Variants in AGO4 observed in about 807,000 individuals in gnomAD.
AGO4 encodes argonaute RISC component 4.
AGO4 carries 33 observed loss-of-function variants against 104.7 expected under a neutral mutation model. That is an observed-to-expected ratio of 0.32 (90% CI 0.24 to 0.42). The LOEUF (loss-of-function observed/expected upper bound fraction) is 0.42. Ranked by LOEUF, AGO4 falls within the 10% of genes least tolerant of loss-of-function variation. AGO4 has a pLI of 1.00. For synonymous variants in AGO4, 331 were observed against 364.7 expected (o/e 0.91, Z 1.05); for missense variants, 711 against 1,083.4 (o/e 0.66, Z 4.83).
In AGO4 at chr1:35,808,464, A is replaced by AC; in HGVS notation, c.19+32dup. On this transcript the variant is annotated intron_variant, in intron 1 of 17. Transcript: ENST00000373210. This position sits in a 1 kb window ranked among gnomAD's most constrained non-coding sequence, Gnocchi z 5.2. ...AGGAGCGAGCTCGGGTCGGGGCGGGACCCGGGACCCGGGACCCGGGGCGGG... is the reference window on the plus strand; with the variant it reads ...AGGAGCGAGCTCGGGTCGGGGCGGGACCCCGGGACCCGGGACCCGGGGCGGG... 8.5e-7 allele frequency: 1 copy of AC among 1,170,232 alleles called. No homozygotes were observed. The highest frequency in any genetic ancestry group is 1.1e-6 in the Non-Finnish European group (1 of 948,812). The allele number at this position is 1,170,232 out of a possible 1,614,324, so 72.5% of individuals were successfully genotyped here. A position where few individuals can be genotyped will look rare whatever the true frequency, so the allele number is the denominator to read the frequency against.
Position 35,814,147 on chromosome 1 carries a change from A to G in AGO4, c.20-2735A>G, listed in dbSNP as rs541605841. Among the ~76,000 whole-genome samples, 276 of 150,852 alleles carry G rather than the reference A, an allele frequency of 1.8e-3. 1 individual carries two copies. Among genetic ancestry groups the G allele is most frequent in the African/African-American group, 6.1e-3 (252 of 41,166 alleles). On this transcript the variant is annotated intron_variant, in intron 1 of 17. Transcript: ENST00000373210. ...GAAGGAAGGAAGGAAAGAAGGAAGG[A>G]CAGAAGGGAAGGAAGGAGAGAGAAA...
At position 35,832,325 on chromosome 1, in the gene AGO4, A is replaced by G. The variant is rs532932820; in HGVS notation, c.1246-112A>G. The G allele has an allele frequency of 2.9e-5, 43 of 1,504,090 alleles. No homozygotes were observed. In the South Asian group the frequency reaches 5.2e-4, roughly 18 times the overall value. The allele number at this position is 1,504,090 out of a possible 1,614,324, so 93.2% of individuals were successfully genotyped here. ...CCTTTTGTGTTCTGGCTCATACCTAATAGAATTTTGTTTATTCACTAGTCA... is the reference window on the plus strand; with the variant it reads ...CCTTTTGTGTTCTGGCTCATACCTAGTAGAATTTTGTTTATTCACTAGTCA... On this transcript the variant is annotated intron_variant, in intron 10 of 17. Coordinates refer to ENST00000373210, the MANE Select transcript of AGO4 (RefSeq NM_017629.4).
upstream of AGO4, among the ~76,000 whole-genome samples, chr1:35,807,809 C>G (rs1304767014): frequency 1.2e-4 from 18 of 152,162 alleles, no homozygotes; most frequent in Non-Finnish European, 2.6e-4. Context: ...AATCTCAGTA[C>G]ACTTTCCACT....
chr1:35,816,812 A>AG lies in AGO4; in HGVS notation c.20-70_20-69insG. ...AAACTCTGTCTCAAAAAAAAAAAAAAAAAAAAAAAGAAAGAAAGAAAGAAA... is the reference window on the plus strand; with the variant it reads ...AAACTCTGTCTCAAAAAAAAAAAAAAGAAAAAAAAAGAAAGAAAGAAAGAAA... On this transcript the variant is annotated intron_variant, in intron 1 of 17. Transcript: ENST00000373210. 2.9e-6 allele frequency: 4 copies of AG among 1,373,118 alleles called. No individual in the cohort carries two copies. In the South Asian group the frequency reaches 4.8e-5, roughly 17 times the overall value. The allele number at this position is 1,373,118 out of a possible 1,614,324, so 85.1% of individuals were successfully genotyped here.
chr1:35,832,901 C>T (rs542878112), intron 11 of AGO4, among the ~76,000 whole-genome samples: 37 of 152,200 alleles, frequency 2.4e-4, no homozygotes, highest in Admixed American at 2.2e-3. Context: ...TACTTTTAAT[C>T]GTTATAATTT....
intron 7 of AGO4, among the ~76,000 whole-genome samples, chr1:35,828,521 A>ACCCAACAC (rs1644091599): frequency 6.9e-6 from 1 of 145,116 alleles, no homozygotes; most frequent in African/African-American, 2.5e-5. Flanking sequence ...ATCACCCAAC[A>ACCCAACAC]CTTCTTTTTT....
chr1:35,851,780 G>A (rs1644706168), intron 17 of AGO4, among the ~76,000 whole-genome samples: 1 of 152,150 alleles, frequency 6.6e-6, no homozygotes, highest in Non-Finnish European at 1.5e-5. Flanking sequence ...CTTCCATTCC[G>A]TAATGTGCTT....
Position 35,841,496 on chromosome 1 carries a change from C to A in AGO4, c.2040+16C>A, listed in dbSNP as rs1644441438. 1.2e-6 allele frequency: 2 copies of A among 1,610,046 alleles called. No homozygotes were observed. Among genetic ancestry groups the A allele is most frequent in the Admixed American group, 3.3e-5 (2 of 59,870 alleles). On this transcript the variant is annotated intron_variant, in intron 14 of 17. Coordinates refer to ENST00000373210, the MANE Select transcript of AGO4 (RefSeq NM_017629.4). This position sits in a 1 kb window ranked among gnomAD's most constrained non-coding sequence, Gnocchi z 4.7. ...AATGAAACAGGTACTCTCATTATCC[C>A]TGTTGCCCTTCGGGGCCCCTAGGAG... is the stretch of plus-strand genomic sequence containing the variant.
rs1320375545 is a variant in AGO4 at position 35,834,003 on chromosome 1, C to G, written c.1393C>G (p.Gln465Glu). Residue 465 changes from glutamine to glutamate, a missense_variant, in exon 12 of 18, where the codon CAG becomes GAG. Gln to Glu is a conservative substitution (Grantham distance 29). Transcript: ENST00000373210. ...CTATTTTAACAGGAGTTTCACTGAC[C>G]AGCTGCGTAAAATCTCTAAGGATGC... ...REDLLKSFTD[Q>E]LRKISKDAGM... 1.3e-6 allele frequency: 2 copies of G among 1,568,210 alleles called. No homozygotes were observed. The highest frequency in any genetic ancestry group is 1.7e-6 in the Non-Finnish European group (2 of 1,156,252).
chr1:35,857,328 G>A lies in AGO4; in HGVS notation c.*3723G>A. On this transcript the variant is annotated 3_prime_UTR_variant, in exon 18 of 18. Transcript: ENST00000373210. The stretch of plus-strand genomic sequence containing the variant: ...CTTGTAAAATTAAAGGAAAGATCTT[G>A]TTATTGATTAACCATTTTCTTATGC... 6.6e-6 allele frequency: 1 copy of A among 152,208 alleles called. No individual in the cohort carries two copies. Among genetic ancestry groups the A allele is most frequent in the Non-Finnish European group, 1.5e-5 (1 of 68,024 alleles). 9.4% of individuals were successfully genotyped at this position (152,208 alleles called of 1,614,324 possible). A position where few individuals can be genotyped will look rare whatever the true frequency, so the allele number is the denominator to read the frequency against.
chr1:35,822,381 G>A (rs1482894322), intron 2 of AGO4, among the ~76,000 whole-genome samples: 1 of 151,956 alleles, frequency 6.6e-6, no homozygotes, highest in Non-Finnish European at 1.5e-5. Flanking sequence ...TCAGCCTCCT[G>A]AGTAGCTGGG....
At chr1:35,829,078 A>G (rs1644111133) in intron 7 of AGO4, among the ~76,000 whole-genome samples, 1 of 149,458 alleles carries the variant, frequency 6.7e-6, no homozygotes, top group Admixed American at 6.7e-5. Flanking sequence ...ACTTTGTTTT[A>G]GATTCATGAT....
At position 35,850,205 on chromosome 1, in the gene AGO4, A is replaced by G; in HGVS notation, c.2224A>G (p.Ile742Val). Reference sequence around the variant, plus strand: ...AGCAGGCACTACAGTGGATAGTACCATCACACATCCATCTGAGTTTGACTT... The same window carrying G: ...AGCAGGCACTACAGTGGATAGTACCGTCACACATCCATCTGAGTTTGACTT... ...VPAGTTVDST[I>V]THPSEFDFYL... Residue 742 changes from isoleucine (I) to valine (V), a missense_variant, in exon 16 of 18, where the codon ATC becomes GTC. Physicochemically the swap from Ile to Val is conservative, Grantham distance 29. Transcript: ENST00000373210. The G allele has an allele frequency of 6.2e-7, 1 of 1,614,090 alleles. No homozygotes were observed. Among genetic ancestry groups the G allele is most frequent in the Non-Finnish European group, 8.5e-7 (1 of 1,179,970 alleles).
At chr1:35,837,562 T>C (rs185778873) in intron 13 of AGO4, among the ~76,000 whole-genome samples, 7 of 152,034 alleles carry the variant, frequency 4.6e-5, no homozygotes, top group African/African-American at 1.7e-4. Context: ...TTATTTTTTA[T>C]AGAGACAGGG....
intron 1 of AGO4, among the ~76,000 whole-genome samples, chr1:35,810,886 C>A (rs747568901): frequency 6.6e-6 from 1 of 152,186 alleles, no homozygotes; most frequent in Non-Finnish European, 1.5e-5. Context: ...AATCCCAGCA[C>A]TTTGGGAGGT....
At chr1:35,823,053 C>CT (rs773528608) in intron 3 of AGO4, 71 bp downstream of exon 3, 12 of 1,535,458 alleles carry the variant, frequency 7.8e-6, no homozygotes, top group Non-Finnish European at 1.1e-5. Flanking sequence ...ATTTCCTTTT[C>CT]TTCCCAACAC....
Position 35,830,843 on chromosome 1 carries a change from G to A in AGO4, c.849-584G>A, listed in dbSNP as rs371921399. Among the ~76,000 whole-genome samples, 18 of 151,916 alleles carry A rather than the reference G, an allele frequency of 1.2e-4. No individual in the cohort carries two copies. In the East Asian group the frequency reaches 1.6e-3, roughly 13 times the overall value. On this transcript the variant is annotated intron_variant, in intron 7 of 17. Coordinates refer to ENST00000373210, the MANE Select transcript of AGO4 (RefSeq NM_017629.4). ...ATACAAAAATTATAGGTGGTGGCGC[G>A]CACTTGTAATCCCAGCTACTCGGGA...
Position 35,808,371 on chromosome 1 carries a change from A to T in AGO4, c.-46A>T. ...CGGCGGCGGCGGCGGCGGGGCCCGG[A>T]GCGGGAGGCGCCGGGGACCGGGGCG... is the stretch of plus-strand genomic sequence containing the variant. On this transcript the variant is annotated 5_prime_UTR_variant, in exon 1 of 18. Coordinates refer to ENST00000373210, the MANE Select transcript of AGO4 (RefSeq NM_017629.4). This position sits in a 1 kb window ranked among gnomAD's most constrained non-coding sequence, Gnocchi z 5.2. The T allele has an allele frequency of 1.0e-6, 1 of 986,770 alleles. No individual in the cohort carries two copies. The allele number at this position is 986,770 out of a possible 1,614,324, so 61.1% of individuals were successfully genotyped here. A position where few individuals can be genotyped will look rare whatever the true frequency, so the allele number is the denominator to read the frequency against.
chr1:35,840,427 G>T (rs1209029950), intron 13 of AGO4, among the ~76,000 whole-genome samples: 1 of 152,090 alleles, frequency 6.6e-6, no homozygotes, highest in Non-Finnish European at 1.5e-5. Flanking sequence ...CTTCCAAAGT[G>T]CTGGGATTAC....
Sources: allele counts gnomAD v4.1 joint callset (sites outside exome capture counted in the v4.1 genomes callset), GRCh38; gene constraint gnomAD v4.1.1; non-coding constraint Gnocchi (gnomAD v3.1); transcripts MANE v1.5; gene names NCBI Gene and HGNC (gene_info 2026-07-23, HGNC 2026-07-21).